Variants in ISM1 observed in about 807,000 individuals in gnomAD.
The protein encoded by ISM1 is isthmin-1.
In ISM1, 25 loss-of-function variants were observed where a neutral mutation model predicts 46.3. The observed-to-expected ratio is 0.54, with a 90% CI of 0.39 to 0.75. The LOEUF is 0.75. Among genes scored for constraint, ISM1 ranks in the 30% least tolerant of loss-of-function variants. The pLI is 0.00. For synonymous variants in ISM1, 255 were observed against 256.7 expected, an observed-to-expected ratio of 0.99 and a Z score of 0.06; for missense variants, 536 against 625.4, an observed-to-expected ratio of 0.86 and a Z score of 1.52.
intron 4 of ISM1, among the ~76,000 whole-genome samples, chr20:13,290,542 G>A (rs1482063250): frequency 5.3e-5 from 8 of 152,212 alleles, no homozygotes; most frequent in African/African-American, 9.6e-5. Flanking sequence ...CCAGCTACTC[G>A]GGAGGCTGAG....
At chr20:13,251,035 G>A (rs140104602) in intron 1 of ISM1, among the ~76,000 whole-genome samples, 1,894 of 152,192 alleles carry the variant, frequency 0.012, 47 homozygotes, top group African/African-American at 0.042. Flanking sequence ...TGATTGCTTT[G>A]TATTTTCCAT....
chr20:13,279,266 G>A (rs2040212461), intron 2 of ISM1, among the ~76,000 whole-genome samples: 1 of 152,200 alleles, frequency 6.6e-6, no homozygotes, highest in Non-Finnish European at 1.5e-5. Flanking sequence ...TTTACTTCCT[G>A]AGTGAAAGGC....
At chr20:13,317,831 C>T in the ISM1 span, among the ~76,000 whole-genome samples, 2 of 152,064 alleles carry the variant, frequency 1.3e-5, no homozygotes, top group Non-Finnish European at 2.9e-5. Context: ...ATAAGATTAT[C>T]TAAAAGTCCT....
At chr20:13,303,443 G>T (rs115539662), downstream of ISM1, among the ~76,000 whole-genome samples, 758 of 152,314 alleles carry the variant, frequency 5.0e-3, 3 homozygotes, top group African/African-American at 0.017. Flanking sequence ...TGATCCATGG[G>T]TGAAAACAAA....
chr20:13,305,514 T>C (rs527669042), downstream of ISM1, among the ~76,000 whole-genome samples: 4 of 152,338 alleles, frequency 2.6e-5, no homozygotes, highest in South Asian at 8.3e-4. Context: ...TCATTTACAA[T>C]TTCCAATGGA....
chr20:13,246,274 A>G (rs1215729707), intron 1 of ISM1, among the ~76,000 whole-genome samples: 1 of 64,620 alleles, frequency 1.5e-5, no homozygotes, highest in Non-Finnish European at 2.9e-5. Flanking sequence ...CTCCATCTCA[A>G]AAAAAAAAAA....
chr20:13,274,297 G>A (rs551093306), intron 2 of ISM1, among the ~76,000 whole-genome samples: 2 of 152,098 alleles, frequency 1.3e-5, no homozygotes, highest in Non-Finnish European at 2.9e-5. Context: ...ACACAGGGCC[G>A]ATTCAGCCCA....
intron 1 of ISM1, among the ~76,000 whole-genome samples, chr20:13,243,085 A>C (rs912835785): frequency 5.3e-5 from 8 of 152,198 alleles, no homozygotes; most frequent in Admixed American, 1.3e-4. Context: ...ACCAGAGTCC[A>C]TGCTTTTAAT....
rs138300723 is a variant in ISM1, at chr20:13,273,964, C to A, written c.378+3221C>A. The stretch of plus-strand genomic sequence containing the variant: ...TTCTGGCCTTCTGTTTGTGGAAGAC[C>A]ACAAAATGTTAGTATTGGTCACTCA... On this transcript the variant is annotated intron_variant, in intron 2 of 5. Transcript: ENST00000262487. 2.3e-3 allele frequency among the ~76,000 whole-genome samples: 347 copies of A among 152,138 alleles called. 3 individuals carry two copies. Among genetic ancestry groups the A allele is most frequent in the Non-Finnish European group, 4.3e-3 (292 of 68,010 alleles).
chr20:13,272,006 T>TGGGCTCAAGCGATCCCCC (rs2040121101), intron 2 of ISM1, among the ~76,000 whole-genome samples: 1 of 152,060 alleles, frequency 6.6e-6, no homozygotes, highest in Non-Finnish European at 1.5e-5. Flanking sequence ...CTCAAACTCC[T>TGGGCTCAAGCGATCCCCC]GGGCTCAAGC....
At chr20:13,270,316 T>A (rs138596284) in intron 1 of ISM1, among the ~76,000 whole-genome samples, 188 bp from the exon 2 acceptor site, 1 of 152,224 alleles carries the variant, frequency 6.6e-6, no homozygotes, top group African/African-American at 2.4e-5. Flanking sequence ...CTAGAAGTTT[T>A]CTGATGATCT....
intron 3 of ISM1, among the ~76,000 whole-genome samples, chr20:13,285,451 A>T (rs917711600): frequency 6.6e-6 from 1 of 152,134 alleles, no homozygotes; most frequent in African/African-American, 2.4e-5. Context: ...CTCACTCACA[A>T]TGAGGGGTGC....
chr20:13,223,188 AAAATAAAT>A (rs202233129), intron 1 of ISM1, among the ~76,000 whole-genome samples: 3 of 147,282 alleles, frequency 2.0e-5, no homozygotes, highest in African/African-American at 2.6e-5. Flanking sequence ...AAAATAAAAT[AAAATAAAT>A]AAATAAATAA....
At chr20:13,256,395 C>CAAAA (rs559300861) in intron 1 of ISM1, among the ~76,000 whole-genome samples, 3 of 71,778 alleles carry the variant, frequency 4.2e-5, no homozygotes, top group African/African-American at 5.0e-5. Context: ...GACCCCGTCT[C>CAAAA]AAAAAAAAAA....
At chr20:13,256,585 A>C (rs1192820472) in intron 1 of ISM1, among the ~76,000 whole-genome samples, 1 of 152,118 alleles carries the variant, frequency 6.6e-6, no homozygotes, top group African/African-American at 2.4e-5. Flanking sequence ...CAAATGACTG[A>C]AACACTGACC....
intron 5 of ISM1, among the ~76,000 whole-genome samples, chr20:13,294,578 G>A (rs1021436165): frequency 2.0e-5 from 3 of 152,104 alleles, no homozygotes; most frequent in Non-Finnish European, 2.9e-5. Context: ...GAGTAGACAT[G>A]GTGTCTCAGT....
chr20:13,229,795 T>G (rs2039568027), intron 1 of ISM1, among the ~76,000 whole-genome samples: 1 of 152,194 alleles, frequency 6.6e-6, no homozygotes, highest in South Asian at 2.1e-4. Flanking sequence ...TGCTTCACTT[T>G]CAATTGGTTG....
At chr20:13,233,659 T>C (rs1184646013) in intron 1 of ISM1, among the ~76,000 whole-genome samples, 1 of 150,200 alleles carries the variant, frequency 6.7e-6, no homozygotes. Context: ...AAGAAATGAA[T>C]TGAGGAAATT....
chr20:13,232,985 T>TC (rs2039605528), intron 1 of ISM1, among the ~76,000 whole-genome samples: 1 of 151,452 alleles, frequency 6.6e-6, no homozygotes, highest in South Asian at 2.1e-4. Flanking sequence ...GTAGTGACCA[T>TC]CATGGTGGGG....
Sources: allele counts gnomAD v4.1 joint callset (sites outside exome capture counted in the v4.1 genomes callset), GRCh38; gene constraint gnomAD v4.1.1; transcripts MANE v1.5; gene names NCBI Gene and HGNC (gene_info 2026-07-23, HGNC 2026-07-21).